The following B3GALT1 variants were observed in gnomAD, a reference collection of about 807,000 sequenced individuals.
The protein encoded by B3GALT1 is UDP-Gal:betaGlcNAc beta 1,3-galactosyltransferase, polypeptide 1.
In B3GALT1, 10 loss-of-function variants were observed where a neutral mutation model predicts 23.2. The ratio of observed to expected loss-of-function variants is 0.43; its 90% CI spans 0.27 to 0.73. B3GALT1 has a LOEUF of 0.73. Among genes scored for constraint, B3GALT1 ranks in the 30% least tolerant of loss-of-function variants. B3GALT1 has a pLI of 0.21. For synonymous variants in B3GALT1, 156 were observed against 141.5 expected, an observed-to-expected ratio of 1.10 and a Z score of -0.73; for missense variants, 299 against 405.4, an observed-to-expected ratio of 0.74 and a Z score of 2.25.
Position 167,703,964 on chromosome 2 carries a change from G to T in B3GALT1, c.-352+56998G>T, listed in dbSNP as rs151262556. Among the ~76,000 whole-genome samples, 3 of 151,884 alleles carry T rather than the reference G, an allele frequency of 2.0e-5. 1 individual carries two copies. Among genetic ancestry groups the T allele is most frequent in the South Asian group, 4.2e-4 (2 of 4,812 alleles). On this transcript the variant is annotated intron_variant, in intron 3 of 4. Coordinates refer to ENST00000392690, the MANE Select transcript of B3GALT1 (RefSeq NM_020981.4). ...TGGGAGGCCAAGGCGGGCGGATCAC[G>T]AGGTCAGGAGATCAAGACCTTCCTG... is the stretch of plus-strand genomic sequence containing the variant.
At chr2:167,409,326 A>T (rs1489188621) in intron 1 of B3GALT1, among the ~76,000 whole-genome samples, 1 of 152,078 alleles carries the variant, frequency 6.6e-6, no homozygotes, top group Admixed American at 6.6e-5. Context: ...GTTCTCCTGG[A>T]TAATGTTCTG....
At chr2:167,450,492 T>C (rs1699071839) in intron 1 of B3GALT1, among the ~76,000 whole-genome samples, 2 of 152,190 alleles carry the variant, frequency 1.3e-5, no homozygotes, top group African/African-American at 4.8e-5. Context: ...GGCTGATAAC[T>C]GTTTTGTTTA....
intron 3 of B3GALT1, among the ~76,000 whole-genome samples, chr2:167,747,696 T>C (rs1687673285): frequency 6.6e-6 from 1 of 152,198 alleles, no homozygotes; most frequent in Non-Finnish European, 1.5e-5. Context: ...CCAGGGAACA[T>C]AGTTTCCTGC....
At chr2:167,700,111 G>T (rs183216216) in intron 3 of B3GALT1, among the ~76,000 whole-genome samples, 154 of 152,190 alleles carry the variant, frequency 1.0e-3, no homozygotes, top group African/African-American at 3.5e-3. Context: ...TTATCCAGGC[G>T]CAATGGTACA....
At chr2:167,636,188 A>G (rs1401913741) in intron 2 of B3GALT1, among the ~76,000 whole-genome samples, 1 of 152,026 alleles carries the variant, frequency 6.6e-6, no homozygotes, top group Non-Finnish European at 1.5e-5. Flanking sequence ...TCTCAGAGCA[A>G]TATTAACTTT....
chr2:167,390,418 C>T (rs1698001420), intron 1 of B3GALT1, among the ~76,000 whole-genome samples: 1 of 152,212 alleles, frequency 6.6e-6, no homozygotes, highest in Non-Finnish European at 1.5e-5. Flanking sequence ...GAACATCAGA[C>T]TTGCTGAGAG....
At chr2:167,312,611 A>G (rs1012872265) in intron 1 of B3GALT1, among the ~76,000 whole-genome samples, 2 of 152,102 alleles carry the variant, frequency 1.3e-5, no homozygotes, top group Non-Finnish European at 1.5e-5. Context: ...TTTGATAATG[A>G]CATAAAATAC....
intron 1 of B3GALT1, among the ~76,000 whole-genome samples, chr2:167,465,739 C>T (rs1027458077): frequency 2.7e-5 from 4 of 150,904 alleles, no homozygotes; most frequent in South Asian, 2.1e-4. Context: ...AGCAAATATA[C>T]GTTATTTTAC....
intron 1 of B3GALT1, among the ~76,000 whole-genome samples, chr2:167,372,646 A>G (rs1325402686): frequency 6.6e-6 from 1 of 152,152 alleles, no homozygotes; most frequent in Non-Finnish European, 1.5e-5. Context: ...GTAACAGTTG[A>G]AAAATTAGCA....
Position 167,871,655 on chromosome 2 carries a change from T to C in B3GALT1, c.*1635T>C, listed in dbSNP as rs944798744. On this transcript the variant is annotated 3_prime_UTR_variant, in exon 5 of 5. Coordinates refer to ENST00000392690, the MANE Select transcript of B3GALT1 (RefSeq NM_020981.4). ...TCTGGTTGGGGTATATTACAGTAAATGAAGCATATACTTTGCAAAATGCAT... is the reference window on the plus strand; with the variant it reads ...TCTGGTTGGGGTATATTACAGTAAACGAAGCATATACTTTGCAAAATGCAT... 3.9e-5 allele frequency: 6 copies of C among 152,192 alleles called. No individual in the cohort carries two copies. The highest frequency in any genetic ancestry group is 7.3e-5 in the Non-Finnish European group (5 of 68,028). 9.4% of individuals were successfully genotyped at this position (152,192 alleles called of 1,614,324 possible). A position where few individuals can be genotyped will look rare whatever the true frequency, so the allele number is the denominator to read the frequency against.
At chr2:167,775,461 C>T (rs1340292503) in intron 3 of B3GALT1, among the ~76,000 whole-genome samples, 2 of 151,012 alleles carry the variant, frequency 1.3e-5, no homozygotes, top group Non-Finnish European at 2.9e-5. Flanking sequence ...CCCAGCTATT[C>T]GGGAGGCTGA....
intron 3 of B3GALT1, among the ~76,000 whole-genome samples, chr2:167,753,531 C>A (rs1004398070): frequency 6.6e-6 from 1 of 152,144 alleles, no homozygotes; most frequent in Non-Finnish European, 1.5e-5. Flanking sequence ...TTTCTGGGAG[C>A]TCTTGTGTCT....
At chr2:167,818,234 T>A (rs1689036385) in intron 3 of B3GALT1, among the ~76,000 whole-genome samples, 1 of 152,232 alleles carries the variant, frequency 6.6e-6, no homozygotes, top group Admixed American at 6.5e-5. Flanking sequence ...AAAATCTATA[T>A]TTCTGTTTTT....
intron 1 of B3GALT1, among the ~76,000 whole-genome samples, chr2:167,451,853 C>T (rs1212421149): frequency 6.6e-6 from 1 of 152,168 alleles, no homozygotes; most frequent in Non-Finnish European, 1.5e-5. Context: ...TTGGACAGGG[C>T]TTGCCGTGGC....
intron 3 of B3GALT1, among the ~76,000 whole-genome samples, chr2:167,797,404 G>C (rs1414943920): frequency 6.6e-6 from 1 of 152,156 alleles, no homozygotes; most frequent in Non-Finnish European, 1.5e-5. Context: ...TTGATTCCAT[G>C]TCTTTGCTAT....
At position 167,792,860 on chromosome 2, in the gene B3GALT1, A is replaced by ATT. The variant is rs371433634; in HGVS notation, c.-351-25797_-351-25796dup. On this transcript the variant is annotated intron_variant, in intron 3 of 4. Coordinates refer to ENST00000392690, the MANE Select transcript of B3GALT1 (RefSeq NM_020981.4). The stretch of plus-strand genomic sequence containing the variant: ...GAACAAAAGCAAGATGGGGAACAGA[A>ATT]TTTTTTTTTTTTTTTTAACTAAGGA... Among the ~76,000 whole-genome samples, 461 of 144,372 alleles carry ATT rather than the reference A, an allele frequency of 3.2e-3. 2 individuals are homozygous for ATT. The highest frequency in any genetic ancestry group is 4.2e-3 in the Admixed American group (60 of 14,390). The allele number at this position is 144,372 out of a possible 152,430, so 94.7% of individuals were successfully genotyped here. A position where few individuals can be genotyped will look rare whatever the true frequency, so the allele number is the denominator to read the frequency against.
chr2:167,611,564 A>T (rs1318120976), intron 2 of B3GALT1, among the ~76,000 whole-genome samples: 1 of 152,046 alleles, frequency 6.6e-6, no homozygotes, highest in Non-Finnish European at 1.5e-5. Context: ...TAGAAATATA[A>T]GTATAAAGAT....
chr2:167,373,436 G>A (rs557874899), intron 1 of B3GALT1, among the ~76,000 whole-genome samples: 1 of 151,780 alleles, frequency 6.6e-6, no homozygotes, highest in South Asian at 2.1e-4. Flanking sequence ...GCCACAAACT[G>A]AGAGTATTCT....
chr2:167,824,537 G>C (rs529362548), intron 4 of B3GALT1, among the ~76,000 whole-genome samples: 2 of 152,198 alleles, frequency 1.3e-5, no homozygotes, highest in Non-Finnish European at 2.9e-5. Flanking sequence ...AGGTGAAACC[G>C]GGACTTGACT....
Sources: gnomAD v4.1 joint callset for allele counts (sites outside exome capture counted in the v4.1 genomes callset) on GRCh38, gnomAD v4.1.1 for gene constraint, MANE v1.5 for transcripts, NCBI Gene and HGNC (gene_info 2026-07-23, HGNC 2026-07-21) for gene names.